The following NR2C1 variants were observed in gnomAD, a reference collection of about 807,000 sequenced individuals.
NR2C1 encodes the protein nuclear receptor subfamily 2 group C member 1.
In NR2C1, 33 loss-of-function variants were observed where a neutral mutation model predicts 74.8. The observed-to-expected ratio is 0.44, with a 90% confidence interval of 0.33 to 0.59. The LOEUF is 0.59. Among genes scored for constraint, NR2C1 ranks in the 20% least tolerant of loss-of-function variants. The pLI is 0.02. For missense variants in NR2C1, 568 were observed against 715.6 expected (o/e 0.79, Z 2.35); for synonymous variants, 225 against 240.6 (o/e 0.94, Z 0.60).
At chr12:95,052,594 T>C (rs1873184159) in intron 7 of NR2C1, among the ~76,000 whole-genome samples, 1 of 152,102 alleles carries the variant, frequency 6.6e-6, no homozygotes, top group African/African-American at 2.4e-5. Context: ...CAGCTGATCC[T>C]ACAGGTGTGC....
At chr12:95,052,912 T>C (rs990742098) in intron 7 of NR2C1, among the ~76,000 whole-genome samples, 1 of 152,154 alleles carries the variant, frequency 6.6e-6, no homozygotes, top group Non-Finnish European at 1.5e-5. Flanking sequence ...AATAGATCAG[T>C]TACCCATTAT....
intron 4 of NR2C1, 136 bp from the exon 5 acceptor site, chr12:95,058,625 G>T (rs903475970): frequency 5.7e-6 from 4 of 702,152 alleles, no homozygotes; most frequent in South Asian, 1.8e-5. Flanking sequence ...AACATTTTTA[G>T]AAGTTATTTT....
chr12:95,026,597 A>C (rs1869394655), intron 12 of NR2C1, among the ~76,000 whole-genome samples: 1 of 152,240 alleles, frequency 6.6e-6, no homozygotes, highest in South Asian at 2.1e-4. Flanking sequence ...ATTTTCACCT[A>C]AGGAAAATAA....
In NR2C1 at chr12:95,057,477, CCAAAG is replaced by C. The variant is rs1224751648; in HGVS notation, c.783+71_783+75del. 6.6e-6 allele frequency: 7 copies of C among 1,057,472 alleles called. No homozygotes were observed. In the Admixed American group the frequency reaches 1.0e-4, roughly 16 times the overall value. 65.5% of individuals were successfully genotyped at this position (1,057,472 alleles called of 1,614,324 possible). A position where few individuals can be genotyped will look rare whatever the true frequency, so the allele number is the denominator to read the frequency against. Reference sequence around the variant, plus strand: ...GAATATTTAAGAACAAAGCAATTTACCAAAGCAAAGGAAGTGATTAGAAAACATTT... The same window carrying C: ...GAATATTTAAGAACAAAGCAATTTACCAAAGGAAGTGATTAGAAAACATTT... On this transcript the variant is annotated intron_variant, in intron 7 of 13. Coordinates refer to ENST00000333003, the MANE Select transcript of NR2C1 (RefSeq NM_003297.4).
At chr12:95,031,713 C>T (rs1014638331) in intron 10 of NR2C1, among the ~76,000 whole-genome samples, 1 of 152,020 alleles carries the variant, frequency 6.6e-6, no homozygotes, top group Non-Finnish European at 1.5e-5. Context: ...TTTATAAGAA[C>T]AATTGCAAGT....
Position 95,067,365 on chromosome 12 carries a change from A to G in NR2C1, c.20T>C (p.Ile7Thr). 1 of 1,613,768 alleles carries G rather than the reference A, an allele frequency of 6.2e-7. No homozygotes were observed. The highest frequency in any genetic ancestry group is 1.1e-5 in the South Asian group (1 of 91,060). Residue 7 changes from isoleucine (I) to threonine (T), a missense_variant, in exon 2 of 14, where the codon ATT becomes ACT. Transcript: ENST00000333003. Reference protein sequence around the residue: MATIEEIAHQIIEQQMG... With the variant: MATIEETAHQIIEQQMG... The stretch of plus-strand genomic sequence containing the variant: ...CTGTTGTTCAATAATTTGATGTGCA[A>G]TTTCTTCTATGGTTGCCATGATCTA...
intron 8 of NR2C1, among the ~76,000 whole-genome samples, chr12:95,049,869 C>T (rs761147993): frequency 1.3e-4 from 20 of 152,164 alleles, no homozygotes; most frequent in Non-Finnish European, 2.6e-4. Flanking sequence ...GATCATGGCT[C>T]ACTGTAATCC....
Position 95,057,795 on chromosome 12 carries a change from G to A in NR2C1, c.628C>T (p.Arg210Ter). The part of the protein sequence containing the change: ...CAASTEKIYI[R>*]KDLRSPLTAT... ...GTTAATGGGCTACGAAGGTCCTTTC[G>A]GATATAGATTTTTTCTGTTGAAGCG... The change falls in exon 6 of 14, where the codon CGA becomes TGA. Residue 210 changes from arginine (R) to a stop codon, truncating the protein, a stop_gained. Transcript: ENST00000333003. LOFTEE classifies it high-confidence loss of function. 2 of 1,614,084 alleles carry A rather than the reference G, an allele frequency of 1.2e-6. No homozygotes were observed. The highest frequency in any genetic ancestry group is 2.2e-5 in the East Asian group (1 of 44,870).
chr12:95,064,828 CA>C (rs1244230551), intron 2 of NR2C1, among the ~76,000 whole-genome samples: 1 of 152,090 alleles, frequency 6.6e-6, no homozygotes, highest in Non-Finnish European at 1.5e-5. Context: ...CCTTCTGTAC[CA>C]AATTTTTTCT....
chr12:95,064,050 A>T (rs1592790684), intron 2 of NR2C1, among the ~76,000 whole-genome samples: 1 of 127,736 alleles, frequency 7.8e-6, no homozygotes, highest in Admixed American at 8.0e-5. Context: ...AAAAAAGGGG[A>T]TGGACACAGT....
At chr12:95,064,178 A>T (rs1875260551) in intron 2 of NR2C1, among the ~76,000 whole-genome samples, 2 of 150,786 alleles carry the variant, frequency 1.3e-5, no homozygotes, top group Non-Finnish European at 2.9e-5. Context: ...AAATACAAAA[A>T]ATTAGCTGGG....
At chr12:95,028,974 G>A (rs1869715056) in intron 11 of NR2C1, among the ~76,000 whole-genome samples, 1 of 151,954 alleles carries the variant, frequency 6.6e-6, no homozygotes, top group Non-Finnish European at 1.5e-5. Flanking sequence ...ATCTAGAAAT[G>A]TTTAAAATTA....
At chr12:95,041,493 A>G (rs1259192198) in intron 9 of NR2C1, among the ~76,000 whole-genome samples, 1 of 152,130 alleles carries the variant, frequency 6.6e-6, no homozygotes, top group South Asian at 2.1e-4. Flanking sequence ...AAACAAAACA[A>G]AACAAAAAAA....
At chr12:95,052,460 GTTAC>G (rs973119539) in intron 7 of NR2C1, among the ~76,000 whole-genome samples, 2 of 152,066 alleles carry the variant, frequency 1.3e-5, no homozygotes, top group Non-Finnish European at 2.9e-5. Context: ...GGCCGTATAT[GTTAC>G]TTTTTTTTAA....
At chr12:95,025,106 G>A in intron 13 of NR2C1, 44 bp downstream of exon 13, 1 of 875,580 alleles carries the variant, frequency 1.1e-6, no homozygotes, top group Non-Finnish European at 1.7e-6. Context: ...ATCCACAAAA[G>A]GTTTTTCAAT....
In NR2C1 at chr12:95,021,170, T is replaced by C. The variant is rs922297399; in HGVS notation, c.*1059A>G. 5.3e-5 allele frequency: 8 copies of C among 152,110 alleles called. No individual in the cohort carries two copies. The highest frequency in any genetic ancestry group is 7.4e-5 in the Non-Finnish European group (5 of 68,016). 9.4% of individuals were successfully genotyped at this position (152,110 alleles called of 1,614,324 possible). Reference sequence around the variant, plus strand: ...AACAATTTAAATATCTTTTTTGAAATAGTGAAACATTTTGGGCTCAATTAG... The same window carrying C: ...AACAATTTAAATATCTTTTTTGAAACAGTGAAACATTTTGGGCTCAATTAG... On this transcript the variant is annotated 3_prime_UTR_variant, in exon 14 of 14. Transcript: ENST00000333003.
intron 3 of NR2C1, 47 bp from the exon 4 acceptor site, chr12:95,060,031 G>GAGTAACAACAGGT: frequency 1.5e-6 from 2 of 1,378,982 alleles, no homozygotes; most frequent in Non-Finnish European, 1.9e-6. Flanking sequence ...AAAACCTGTT[G>GAGTAACAACAGGT]TTACTCAACA....
chr12:95,030,182 G>A (rs987065234), intron 11 of NR2C1, among the ~76,000 whole-genome samples: 39 of 152,146 alleles, frequency 2.6e-4, no homozygotes, highest in Non-Finnish European at 4.1e-4. Context: ...TGAAATGTTT[G>A]CTTTCAAGAT....
intron 12 of NR2C1, among the ~76,000 whole-genome samples, chr12:95,027,841 A>C (rs553537333): frequency 6.6e-6 from 1 of 152,188 alleles, no homozygotes; most frequent in Non-Finnish European, 1.5e-5. Context: ...TCCAAAAAAA[A>C]CACTCTACCC....
Sources: gnomAD v4.1 joint callset for allele counts (sites outside exome capture counted in the v4.1 genomes callset) on GRCh38, gnomAD v4.1.1 for gene constraint, MANE v1.5 for transcripts, NCBI Gene and HGNC (gene_info 2026-07-23, HGNC 2026-07-21) for gene names.